CEP350: variants seen among roughly 807,000 people sequenced by gnomAD.
The protein encoded by CEP350 is centrosome-associated protein 350.
A neutral mutation model predicts 331.8 loss-of-function variants in CEP350; 126 were observed. That is an observed-to-expected ratio of 0.38 (90% confidence interval 0.33 to 0.44). The LOEUF (loss-of-function observed/expected upper bound fraction) is 0.44. Ranked by LOEUF, CEP350 falls within the 20% of genes least tolerant of loss-of-function variation. The probability of loss-of-function intolerance (pLI) is 1.00; values close to 1 mark genes in which losing one functional copy is unlikely to be tolerated. For missense variants in CEP350, 3,406 were observed against 3,634.6 expected, an observed-to-expected ratio of 0.94 and a Z score of 1.62; for synonymous variants, 1,200 against 1,259.5, an observed-to-expected ratio of 0.95 and a Z score of 1.00.
intron 31 of CEP350, 134 bp from the exon 32 acceptor site, chr1:180,087,444 G>T (rs1659932537): frequency 4.2e-6 from 3 of 717,096 alleles, no homozygotes; most frequent in South Asian, 5.2e-5. Context: ...GATGCTGAGG[G>T]GGGCAGGGAG....
At chr1:180,010,739 C>T (rs1654593703) in intron 8 of CEP350, among the ~76,000 whole-genome samples, 1 of 151,712 alleles carries the variant, frequency 6.6e-6, no homozygotes, top group East Asian at 1.9e-4. Context: ...GTAGCTGGGA[C>T]TACAGGCACG....
Position 180,053,639 on chromosome 1 carries a change from G to T in CEP350, c.4990-111G>T. ...TTAAAGAATATACTCTTACATTGTT[G>T]GTGGCCTTGTTAAATACATAGTTTG... is the stretch of plus-strand genomic sequence containing the variant. On this transcript the variant is annotated intron_variant, in intron 23 of 37. Coordinates refer to ENST00000367607, the MANE Select transcript of CEP350 (RefSeq NM_014810.5). 5.3e-6 allele frequency: 3 copies of T among 569,650 alleles called. No homozygotes were observed. The South Asian group carries it at 1.3e-4, about 25-fold the overall frequency. The allele number at this position is 569,650 out of a possible 1,614,324, so 35.3% of individuals were successfully genotyped here.
In CEP350 at chr1:180,020,517, A is replaced by G. The variant is rs1489116622; in HGVS notation, c.2743A>G (p.Asn915Asp). Reference sequence around the variant, plus strand: ...TGATGATGATCTTCCTGGTGTAGGCAATCTTAGTGAATTTAAAAAGCTTCC... The same window carrying G: ...TGATGATGATCTTCCTGGTGTAGGCGATCTTAGTGAATTTAAAAAGCTTCC... Reference protein sequence around the residue: ...TFDDDLPGVGNLSEFKKLPEM... With the variant: ...TFDDDLPGVGDLSEFKKLPEM... The change falls in exon 12 of 38, where the codon AAT becomes GAT. Residue 915 changes from asparagine to aspartate, a missense_variant. Asn to Asp is a conservative substitution (Grantham distance 23). Coordinates refer to ENST00000367607, the MANE Select transcript of CEP350 (RefSeq NM_014810.5). 1 of 1,613,612 alleles carries G rather than the reference A, an allele frequency of 6.2e-7. No homozygotes were observed. Among genetic ancestry groups the G allele is most frequent in the African/African-American group, 1.3e-5 (1 of 74,794 alleles).
Position 180,048,604 on chromosome 1 carries a change from T to C in CEP350, c.4691T>C (p.Leu1564Pro). 1 of 1,610,692 alleles carries C rather than the reference T, an allele frequency of 6.2e-7. No homozygotes were observed. Reference sequence around the variant, plus strand: ...TCTTGTAAGGAAAATGAGAAGAAACTTAATGGTGAAAAGATAGAGAGTTCC... The same window carrying C: ...TCTTGTAAGGAAAATGAGAAGAAACCTAATGGTGAAAAGATAGAGAGTTCC... The part of the protein sequence containing the change: ...VPSCKENEKK[L>P]NGEKIESSID... Residue 1564 changes from leucine (L) to proline (P), a missense_variant, in exon 22 of 38, where the codon CTT (leucine) becomes CCT (proline). Coordinates refer to ENST00000367607, the MANE Select transcript of CEP350 (RefSeq NM_014810.5).
chr1:179,971,918 C>T (rs1301454966), intron 1 of CEP350, among the ~76,000 whole-genome samples: 2 of 151,528 alleles, frequency 1.3e-5, no homozygotes. Context: ...GTGAGAGACC[C>T]TCAAAGATCC....
rs1659553954 is a variant in CEP350 at position 180,081,317 on chromosome 1, G to A, written c.6124+656G>A. ...CATGTGTCAGACAATTATAAATCAT[G>A]GAATTTTCCTACACCCATGTTTACA... On this transcript the variant is annotated intron_variant, in intron 30 of 37. Coordinates refer to ENST00000367607, the MANE Select transcript of CEP350 (RefSeq NM_014810.5). 2.0e-5 allele frequency among the ~76,000 whole-genome samples: 3 copies of A among 152,038 alleles called. No homozygotes were observed. In the South Asian group the frequency reaches 6.2e-4, roughly 32 times the overall value.
chr1:180,075,111 A>C lies in CEP350; in HGVS notation c.5657A>C (p.Glu1886Ala), dbSNP rs1369226043. 8 of 1,613,712 alleles carry C rather than the reference A, an allele frequency of 5.0e-6. No individual in the cohort carries two copies. The South Asian group carries it at 7.7e-5, about 16-fold the overall frequency. Reference sequence around the variant, plus strand: ...TGGAAGCGACGTTTAGATGCAGAAGAAGCAGAAATTCGTCAAATGGAAAAA... The same window carrying C: ...TGGAAGCGACGTTTAGATGCAGAAGCAGCAGAAATTCGTCAAATGGAAAAA... ...LEWKRRLDAE[E>A]AEIRQMEKQA... The change falls in exon 28 of 38, where the codon GAA becomes GCA. Residue 1886 changes from glutamate to alanine, a missense_variant. Around this residue, in one of 5 missense-constraint regions of CEP350, gnomAD observed 1,415 missense variants for 1,512.3 expected, o/e 0.94. Coordinates refer to ENST00000367607, the MANE Select transcript of CEP350 (RefSeq NM_014810.5).
At chr1:179,986,137 T>C (rs1213506905) in intron 1 of CEP350, 32 bp from the exon 2 acceptor site, 2 of 1,478,350 alleles carry the variant, frequency 1.4e-6, no homozygotes, top group Admixed American at 2.0e-5. Context: ...TATTATAAGA[T>C]TGATGTTCGG....
intron 27 of CEP350, among the ~76,000 whole-genome samples, chr1:180,074,438 A>G (rs77194576): frequency 6.6e-6 from 1 of 152,060 alleles, no homozygotes; most frequent in Non-Finnish European, 1.5e-5. Flanking sequence ...TCTCTCCATG[A>G]AAAAAAAGAT....
intron 35 of CEP350, 40 bp from the exon 36 acceptor site, chr1:180,095,998 A>G (rs1457575391): frequency 2.6e-6 from 4 of 1,548,556 alleles, no homozygotes; most frequent in Non-Finnish European, 3.5e-6. Flanking sequence ...TTGGATTCTT[A>G]GCCATTTTGT....
rs1241452228 is a variant in CEP350 at position 180,093,772 on chromosome 1, T to A, written c.7667T>A (p.Ile2556Asn). 1.2e-6 allele frequency: 2 copies of A among 1,613,896 alleles called. No individual in the cohort carries two copies. Residue 2556 changes from isoleucine (I) to asparagine (N), a missense_variant, in exon 34 of 38, where the codon ATT becomes AAT. By Grantham distance (149) the Ile-to-Asn change is moderately radical. Coordinates refer to ENST00000367607, the MANE Select transcript of CEP350 (RefSeq NM_014810.5). ...AYFECKEKHG[I>N]FAPPQKISHI... ...TTTGAGTGCAAAGAAAAGCATGGTA[T>A]TTTTGCTCCTCCTCAAAAAATATCT...
At chr1:180,015,810 TG>T in intron 10 of CEP350, 38 bp from the exon 11 acceptor site, 1 of 1,592,744 alleles carries the variant, frequency 6.3e-7, no homozygotes, top group Non-Finnish European at 8.6e-7. Context: ...TATATCTTTG[TG>T]ACAGAACTCA....
Position 180,023,739 on chromosome 1 carries a change from G to A in CEP350, c.3387-680G>A, listed in dbSNP as rs1001170791. 2.0e-5 allele frequency among the ~76,000 whole-genome samples: 3 copies of A among 152,148 alleles called. No homozygotes were observed. The East Asian group carries it at 5.8e-4, about 29-fold the overall frequency. On this transcript the variant is annotated intron_variant, in intron 13 of 37. Coordinates refer to ENST00000367607, the MANE Select transcript of CEP350 (RefSeq NM_014810.5). The stretch of plus-strand genomic sequence containing the variant: ...TTACTTGTACATAGTCACATAGTAA[G>A]TGAATCAGACTTCGTTGGAGAGAAT...
chr1:180,078,595 G>C lies in CEP350; in HGVS notation c.5900G>C (p.Gly1967Ala), dbSNP rs759058779. 3.1e-6 allele frequency: 5 copies of C among 1,613,150 alleles called. No homozygotes were observed. The East Asian group carries it at 1.1e-4, about 36-fold the overall frequency. ...GAGTCTATAGGACAGGAGCAGCCAG[G>C]GAGTCCAGATCACAGTATACTTACT... ...PSESIGQEQP[G>A]SPDHSILTEE... Residue 1967 changes from glycine to alanine, a missense_variant, in exon 29 of 38, where the codon GGG becomes GCG. Coordinates refer to ENST00000367607, the MANE Select transcript of CEP350 (RefSeq NM_014810.5).
intron 8 of CEP350, 92 bp downstream of exon 8, chr1:180,006,659 C>G (rs1354920353): frequency 5.7e-6 from 4 of 702,218 alleles, no homozygotes; most frequent in Non-Finnish European, 1.0e-5. Context: ...GCAGAACGTG[C>G]AGGTTTGATA....
Position 180,046,938 on chromosome 1 carries a change from C to A in CEP350, c.4623-1598C>A, listed in dbSNP as rs1657158854. Among the ~76,000 whole-genome samples, 3 of 152,228 alleles carry A rather than the reference C, an allele frequency of 2.0e-5. No homozygotes were observed. The East Asian group carries it at 5.8e-4, about 29-fold the overall frequency. On this transcript the variant is annotated intron_variant, in intron 21 of 37. Coordinates refer to ENST00000367607, the MANE Select transcript of CEP350 (RefSeq NM_014810.5). ...GTCCCTACTGTGTGCTGCATTACAT[C>A]TTTTACCTTATTGCTTTATTAGAAG...
chr1:180,046,062 C>T (rs548683865), intron 21 of CEP350, among the ~76,000 whole-genome samples: 6 of 152,350 alleles, frequency 3.9e-5, no homozygotes, highest in African/African-American at 1.4e-4. Context: ...GCTATCCCGT[C>T]TGCTTTAGCT....
chr1:180,074,277 C>T, intron 27 of CEP350, among the ~76,000 whole-genome samples: 1 of 152,154 alleles, frequency 6.6e-6, no homozygotes, highest in East Asian at 1.9e-4. Context: ...TTTCCTAACT[C>T]AGTAATTTCT....
At position 179,985,956 on chromosome 1, in the gene CEP350, A is replaced by AT. The variant is rs2148664780; in HGVS notation, c.-13-211dup. 2.0e-5 allele frequency among the ~76,000 whole-genome samples: 3 copies of AT among 152,236 alleles called. No homozygotes were observed. The South Asian group carries it at 6.2e-4, about 32-fold the overall frequency. On this transcript the variant is annotated intron_variant, in intron 1 of 37. Transcript: ENST00000367607. ...AACTGCCACACTGTTTTCCATAGTG[A>AT]TTGTGTCATACATTCCCACGAACAG...
Sources: allele counts gnomAD v4.1 joint callset (sites outside exome capture counted in the v4.1 genomes callset), GRCh38; gene constraint gnomAD v4.1.1; regional missense constraint gnomAD v4.1.1; transcripts MANE v1.5; gene names NCBI Gene and HGNC (gene_info 2026-07-23, HGNC 2026-07-21).